The following ANK2 variants were observed in gnomAD, a reference collection of about 807,000 sequenced individuals.
ANK2 encodes the protein ankyrin 2.
In ANK2, 83 loss-of-function variants were observed where a neutral mutation model predicts 360.5. The observed-to-expected ratio is 0.23, with a 90% confidence interval of 0.19 to 0.28. ANK2 has a LOEUF of 0.28. ANK2 is among the 10% of genes least tolerant of loss of function. The pLI, the probability that ANK2 is intolerant of heterozygous loss-of-function variation, is 1.00. For missense variants in ANK2, 4,201 were observed against 4,795.7 expected, an observed-to-expected ratio of 0.88 and a Z score of 3.66; for synonymous variants, 1,740 against 1,759.5, an observed-to-expected ratio of 0.99 and a Z score of 0.28.
chr4:113,140,134 G>A (rs974136475), intron 1 of ANK2, among the ~76,000 whole-genome samples: 1 of 152,104 alleles, frequency 6.6e-6, no homozygotes, highest in Non-Finnish European at 1.5e-5. Context: ...ACCCAAACAC[G>A]GAAGAAAATA....
intron 4 of ANK2, among the ~76,000 whole-genome samples, chr4:113,205,364 CAT>C (rs1318371599): frequency 1.3e-5 from 2 of 151,504 alleles, no homozygotes; most frequent in Non-Finnish European, 2.9e-5. Flanking sequence ...TCTGTCCTCT[CAT>C]AAGGATTCTA....
intron 2 of ANK2, among the ~76,000 whole-genome samples, chr4:112,957,521 G>T (rs2029930335): frequency 6.6e-6 from 1 of 152,148 alleles, no homozygotes; most frequent in African/African-American, 2.4e-5. Flanking sequence ...TTCTCAATGA[G>T]CTGTTGGGTA....
intron 1 of ANK2, among the ~76,000 whole-genome samples, chr4:113,131,660 A>G (rs968691697): frequency 1.3e-5 from 2 of 152,212 alleles, no homozygotes; most frequent in African/African-American, 4.8e-5. Context: ...AGTACTTTAT[A>G]CACTCCTAAG....
chr4:112,844,793 A>C (rs2149846380), intron 1 of ANK2, among the ~76,000 whole-genome samples: 1 of 152,340 alleles, frequency 6.6e-6, no homozygotes. Flanking sequence ...CCAGTGAAGA[A>C]AGCAATTGGT....
chr4:113,282,691 T>C lies in ANK2; in HGVS notation c.1898T>C (p.Leu633Ser). The change falls in exon 18 of 46, where the codon TTA becomes TCA. Residue 633 changes from leucine to serine, a missense_variant. By Grantham distance (145) the Leu-to-Ser change is moderately radical. Around this residue, in one of 4 missense-constraint regions of ANK2, gnomAD observed 1,268 missense variants for 1,650.8 expected, o/e 0.77. Coordinates refer to ENST00000357077, the MANE Select transcript of ANK2 (RefSeq NM_001148.6). Reference sequence around the variant, plus strand: ...TCTTTTTAGAATGGCTATACTCCGTTACATATTGCTGCCAAGAAGAATCAA... The same window carrying C: ...TCTTTTTAGAATGGCTATACTCCGTCACATATTGCTGCCAAGAAGAATCAA... ...HATAKNGYTP[L>S]HIAAKKNQMQ... is the part of the protein sequence containing the mutation. The C allele has an allele frequency of 1.2e-6, 2 of 1,613,076 alleles. No homozygotes were observed. The highest frequency in any genetic ancestry group is 1.7e-6 in the Non-Finnish European group (2 of 1,179,392).
chr4:113,368,551 A>G (rs2096618087), intron 42 of ANK2, among the ~76,000 whole-genome samples: 1 of 152,240 alleles, frequency 6.6e-6, no homozygotes, highest in South Asian at 2.1e-4. Context: ...ATGGAAGCCA[A>G]GGAGAAAGAG....
intron 2 of ANK2, among the ~76,000 whole-genome samples, chr4:112,986,408 A>G (rs1277724821): frequency 6.6e-6 from 1 of 152,230 alleles, no homozygotes; most frequent in Non-Finnish European, 1.5e-5. Flanking sequence ...TAAAACTGGC[A>G]AATTGTAAAA....
intron 1 of ANK2, among the ~76,000 whole-genome samples, chr4:112,901,139 ATACAC>A (rs1440245993): frequency 2.0e-5 from 3 of 152,200 alleles, no homozygotes; most frequent in Non-Finnish European, 4.4e-5. Context: ...ATAATGCCTT[ATACAC>A]TGTTAGCACT....
Position 112,853,366 on chromosome 4 carries a change from C to CT in ANK2, c.-40+35113dup, listed in dbSNP as rs796472445. 7.9e-3 allele frequency among the ~76,000 whole-genome samples: 1,153 copies of CT among 146,562 alleles called. 10 individuals are homozygous for CT. The highest frequency in any genetic ancestry group is 0.024 in the African/African-American group (954 of 40,216). On this transcript the variant is annotated intron_variant, in intron 1 of 30. Transcript: ENST00000503271. ...GCAGGCGTGAGCCACCATGCCCGGC[C>CT]TTTTTTTTTTTAATTTGTAGAGATG...
intron 33 of ANK2, among the ~76,000 whole-genome samples, chr4:113,342,227 C>T (rs2094378422): frequency 6.6e-6 from 1 of 152,088 alleles, no homozygotes; most frequent in Non-Finnish European, 1.5e-5. Context: ...TTTAGCTTTC[C>T]TTGTTGTCCT....
chr4:113,101,151 T>C lies in ANK2; in HGVS notation c.84+51339T>C, dbSNP rs557494310. On this transcript the variant is annotated intron_variant, in intron 1 of 45. Transcript: ENST00000357077. ...GATGCAAATTATAGACCTTAATTAA[T>C]TAAAAAATAGAATAAAATCAACAAC... 1.4e-4 allele frequency among the ~76,000 whole-genome samples: 22 copies of C among 152,216 alleles called. No homozygotes were observed. In the South Asian group the frequency reaches 4.3e-3, roughly 30 times the overall value.
intron 2 of ANK2, among the ~76,000 whole-genome samples, chr4:112,960,432 C>T (rs917804134): frequency 2.6e-5 from 4 of 151,718 alleles, no homozygotes; most frequent in Non-Finnish European, 4.4e-5. Flanking sequence ...TTATACCAGA[C>T]GCATATAAAA....
chr4:112,763,346 A>G, the ANK2 span, among the ~76,000 whole-genome samples: 1 of 151,310 alleles, frequency 6.6e-6, no homozygotes, highest in Non-Finnish European at 1.5e-5. Context: ...CTCCTGCCTC[A>G]GCCTCCAGAG....
At chr4:112,873,632 G>T (rs2074021305) in intron 1 of ANK2, among the ~76,000 whole-genome samples, 1 of 150,206 alleles carries the variant, frequency 6.7e-6, no homozygotes, top group Non-Finnish European at 1.5e-5. Context: ...CGCCTCCCGG[G>T]TTCACACCAT....
rs199843520 is a variant in ANK2, at chr4:113,110,478, A to T, written c.84+60666A>T. ...TAAACAACAGGTGCAAGCATATCTT[A>T]TGTCTGTTGGTAAAGAAGTGAAAAT... On this transcript the variant is annotated intron_variant, in intron 1 of 45. Coordinates refer to ENST00000357077, the MANE Select transcript of ANK2 (RefSeq NM_001148.6). Among the ~76,000 whole-genome samples the T allele has an allele frequency of 7.2e-5, 11 of 152,340 alleles. No homozygotes were observed. In the East Asian group the frequency reaches 2.1e-3, roughly 29 times the overall value.
intron 20 of ANK2, among the ~76,000 whole-genome samples, chr4:113,289,958 GAAATGAACAA>G (rs1255588733): frequency 6.6e-6 from 1 of 152,130 alleles, no homozygotes; most frequent in Non-Finnish European, 1.5e-5. Context: ...GTATTCTCTT[GAAATGAACAA>G]ATGCAACAGT....
chr4:113,091,852 G>T (rs17045537), intron 1 of ANK2, among the ~76,000 whole-genome samples: 5 of 152,060 alleles, frequency 3.3e-5, no homozygotes, highest in African/African-American at 1.2e-4. Flanking sequence ...TTCAGTTTGC[G>T]CTCTCTCAGA....
At chr4:113,167,290 A>G (rs2097780859) in intron 1 of ANK2, among the ~76,000 whole-genome samples, 1 of 151,596 alleles carries the variant, frequency 6.6e-6, no homozygotes, top group Non-Finnish European at 1.5e-5. Flanking sequence ...TCTGTTGCCT[A>G]AACTAGGGTC....
At chr4:112,754,332 T>G in the ANK2 span, among the ~76,000 whole-genome samples, 1 of 151,058 alleles carries the variant, frequency 6.6e-6, no homozygotes, top group Non-Finnish European at 1.5e-5. Flanking sequence ...TGGGCCCCGG[T>G]TTCCTTTTGC....
Sources: gnomAD v4.1 joint callset for allele counts (sites outside exome capture counted in the v4.1 genomes callset) on GRCh38, gnomAD v4.1.1 for gene constraint, gnomAD v4.1.1 regional missense constraint, MANE v1.5 for transcripts, NCBI Gene and HGNC (gene_info 2026-07-23, HGNC 2026-07-21) for gene names.